Variants in TBC1D25 observed in about 807,000 individuals in gnomAD.
TBC1D25 encodes 5SN3 snoRNA.
A neutral mutation model predicts 38.8 loss-of-function variants in TBC1D25; 13 were observed. The observed-to-expected ratio is 0.34, with a 90% CI of 0.22 to 0.53. TBC1D25 has a LOEUF of 0.53. Ranked by LOEUF, TBC1D25 falls within the 20% of genes least tolerant of loss-of-function variation. TBC1D25 has a pLI of 0.94. For synonymous variants in TBC1D25, 225 were observed against 255.6 expected, an observed-to-expected ratio of 0.88 and a Z score of 1.14; for missense variants, 372 against 600.0, an observed-to-expected ratio of 0.62 and a Z score of 3.97.
At chrX:48,540,148 T>A (rs1483767663) in intron 1 of TBC1D25, among the ~76,000 whole-genome samples, 2 of 109,610 alleles carry the variant, frequency 1.8e-5, no homozygotes, top group African/African-American at 3.3e-5. Context: ...GGCGGGGGTC[T>A]ATGGGATGAA....
At chrX:48,552,610 C>G (rs1432748956) in intron 3 of TBC1D25, among the ~76,000 whole-genome samples, 1 of 110,286 alleles carries the variant, frequency 9.1e-6, no homozygotes, top group African/African-American at 3.3e-5. Context: ...CTCGGCCTCC[C>G]AAAGTGCTGG....
chrX:48,542,386 T>TC (rs1357501098), intron 2 of TBC1D25, among the ~76,000 whole-genome samples: 3 of 109,425 alleles, frequency 2.7e-5, no homozygotes, highest in African/African-American at 1.0e-4. Context: ...CAGGCTAGTC[T>TC]CGAACACCTG....
At chrX:48,541,526 T>A in intron 2 of TBC1D25, 84 bp downstream of exon 2, 1 of 888,613 alleles carries the variant, frequency 1.1e-6, no homozygotes, top group Non-Finnish European at 1.6e-6. Context: ...AGGGTTTTTG[T>A]TTATTTTACT....
chrX:48,541,433 A>G lies in TBC1D25; in HGVS notation c.224A>G (p.Asp75Gly). ...VLQHILIRAF[D>G]LSGKKNFGIS... ...CAGCACATCCTCATCCGAGCCTTTGATTTGAGTGGGTGAGTGGGAAGATGC... is the reference window on the plus strand; with the variant it reads ...CAGCACATCCTCATCCGAGCCTTTGGTTTGAGTGGGTGAGTGGGAAGATGC... The change falls in exon 2 of 6, where the codon GAT (aspartate) becomes GGT (glycine). Residue 75 changes from aspartate to glycine, a missense_variant. Transcript: ENST00000376771. 8.3e-7 allele frequency: 1 copy of G among 1,210,946 alleles called. No individual in the cohort carries two copies. The highest frequency in any genetic ancestry group is 3.0e-5 in the East Asian group (1 of 33,844).
At chrX:48,552,355 T>A (rs1052366715) in intron 3 of TBC1D25, among the ~76,000 whole-genome samples, 1 of 65,725 alleles carries the variant, frequency 1.5e-5, no homozygotes, top group African/African-American at 1.5e-4. Context: ...CCCGGCTAAT[T>A]TTTTTTTTTT....
At position 48,544,990 on chromosome X, in the gene TBC1D25, C is replaced by A; in HGVS notation, c.355C>A (p.Gln119Lys). The A allele has an allele frequency of 8.3e-7, 1 of 1,211,922 alleles. No homozygotes were observed. ...TGCCACTGCCTCCAAACCTTACCTG[C>A]AATTGCGTGTAGATATTCGGCCCTC... The part of the protein sequence containing the change: ...AFATASKPYL[Q>K]LRVDIRPSED... The change falls in exon 3 of 6, where the codon CAA becomes AAA. Residue 119 changes from glutamine (Q) to lysine (K), a missense_variant. Physicochemically the swap from Gln to Lys is moderately conservative, Grantham distance 53. Around this residue, in one of 2 missense-constraint regions of TBC1D25, gnomAD observed 312 missense variants for 549.3 expected, o/e 0.57. Transcript: ENST00000376771.
Position 48,561,338 on chromosome X carries a change from C to G in TBC1D25, c.*363C>G, listed in dbSNP as rs1388149540. 3 of 175,266 alleles carry G rather than the reference C, an allele frequency of 1.7e-5. No homozygotes were observed. The highest frequency in any genetic ancestry group is 9.1e-5 in the African/African-American group (3 of 33,096). The allele number at this position is 175,266 out of a possible 1,213,427, so 14.4% of individuals were successfully genotyped here. A position where few individuals can be genotyped will look rare whatever the true frequency, so the allele number is the denominator to read the frequency against. ...TTGGTGGAGAGAGGCTCCAGCTTCC[C>G]CCTTGTGATGGGGAGAGTGGATGCT... is the stretch of plus-strand genomic sequence containing the variant. On this transcript the variant is annotated 3_prime_UTR_variant, in exon 6 of 6. Coordinates refer to ENST00000376771, the MANE Select transcript of TBC1D25 (RefSeq NM_002536.4).
chrX:48,550,951 G>A (rs1218732515), intron 3 of TBC1D25, among the ~76,000 whole-genome samples: 5 of 111,503 alleles, frequency 4.5e-5, no homozygotes, highest in Non-Finnish European at 7.5e-5. Context: ...GAGCCACCGC[G>A]CCCAGCCTGT....
intron 2 of TBC1D25, among the ~76,000 whole-genome samples, chrX:48,541,680 TGAGA>T (rs782374730): frequency 2.2e-4 from 25 of 111,117 alleles, no homozygotes; most frequent in South Asian, 1.5e-3. Flanking sequence ...TAAGATATTT[TGAGA>T]GAGAGAGAGA....
rs782030775 is a variant in TBC1D25 at position 48,557,595 on chromosome X, A to G, written c.389-1302A>G. 2.8e-5 allele frequency among the ~76,000 whole-genome samples: 3 copies of G among 107,411 alleles called. No homozygotes were observed. In the East Asian group the frequency reaches 9.0e-4, roughly 32 times the overall value. The allele number at this position is 107,411 out of a possible 115,157, so 93.3% of individuals were successfully genotyped here. ...GAGGTGGATGTTGCAGTGAGCCGAG[A>G]TCCCGTCATTGTACTCCAGCCTGGG... On this transcript the variant is annotated intron_variant, in intron 3 of 5. Transcript: ENST00000376771.
Position 48,560,798 on chromosome X carries a change from C to G in TBC1D25, c.1890C>G (p.Arg630=). 1 of 1,212,092 alleles carries G rather than the reference C, an allele frequency of 8.3e-7. No homozygotes were observed. The highest frequency in any genetic ancestry group is 1.8e-5 in the South Asian group (1 of 57,027). ...FLCLAILLEH[R]DHIMRNGLDY... ...GCCTGGCCATCCTGCTGGAGCACCG[C>G]GACCACATCATGCGCAATGGGCTGG... The change falls in exon 6 of 6, where the codon CGC becomes CGG. Residue 630 remains arginine (R), a synonymous_variant. Coordinates refer to ENST00000376771, the MANE Select transcript of TBC1D25 (RefSeq NM_002536.4).
At chrX:48,552,229 C>T (rs781804162) in intron 3 of TBC1D25, among the ~76,000 whole-genome samples, 1 of 110,518 alleles carries the variant, frequency 9.0e-6, no homozygotes, top group Admixed American at 9.6e-5. Context: ...CTCTGTCGCC[C>T]AGACTGGAGT....
At chrX:48,559,588 GC>G (rs782131821) in intron 5 of TBC1D25, 25 bp from the exon 6 acceptor site, 112 of 1,195,416 alleles carry the variant, frequency 9.4e-5, no homozygotes, top group Non-Finnish European at 1.2e-4. Context: ...GAGAACTCCA[GC>G]CTCATCCCTT....
In TBC1D25 at chrX:48,557,636, TC is replaced by T. The variant is rs1330780866; in HGVS notation, c.389-1259del. Among the ~76,000 whole-genome samples the T allele has an allele frequency of 7.6e-5, 7 of 91,907 alleles. No individual in the cohort carries two copies. The Admixed American group carries it at 8.5e-4, about 11-fold the overall frequency. The allele number at this position is 91,907 out of a possible 115,157, so 79.8% of individuals were successfully genotyped here. ...CCAGCCTGGGCAACAAGAGTGAAAC[TC>T]CGCCTCAAAAAAAAAAAAAAAATTA... On this transcript the variant is annotated intron_variant, in intron 3 of 5. Coordinates refer to ENST00000376771, the MANE Select transcript of TBC1D25 (RefSeq NM_002536.4).
intron 1 of TBC1D25, among the ~76,000 whole-genome samples, chrX:48,541,053 G>A (rs1432176173): frequency 1.8e-5 from 2 of 112,260 alleles, no homozygotes; most frequent in African/African-American, 3.2e-5. Context: ...AGTGTTGTAG[G>A]TAGATGTGTT....
chrX:48,560,088 T>A lies in TBC1D25; in HGVS notation c.1180T>A (p.Tyr394Asn). The A allele has an allele frequency of 8.3e-7, 1 of 1,209,584 alleles. No individual in the cohort carries two copies. The highest frequency in any genetic ancestry group is 1.1e-6 in the Non-Finnish European group (1 of 894,366). The change falls in exon 6 of 6, where the codon TAC (tyrosine) becomes AAC (asparagine). Residue 394 changes from tyrosine to asparagine, a missense_variant. Coordinates refer to ENST00000376771, the MANE Select transcript of TBC1D25 (RefSeq NM_002536.4). ...LRHADPDFYQYLQEAGADDLF... is the reference protein window; with the variant it reads ...LRHADPDFYQNLQEAGADDLF... The stretch of plus-strand genomic sequence containing the variant: ...ACACGCTGACCCTGACTTTTATCAA[T>A]ACCTGCAAGAGGCAGGCGCTGATGA...
Position 48,547,332 on chromosome X carries a change from G to T in TBC1D25, c.388+2309G>T, listed in dbSNP as rs1405655775. Among the ~76,000 whole-genome samples, 4 of 111,848 alleles carry T rather than the reference G, an allele frequency of 3.6e-5. No individual in the cohort carries two copies. In the Admixed American group the frequency reaches 3.8e-4, roughly 11 times the overall value. The stretch of plus-strand genomic sequence containing the variant: ...AGAGACAGAGGAGAGAGAGAAACAA[G>T]AGTCAGAGGGAAAGATAGTGACAGA... On this transcript the variant is annotated intron_variant, in intron 3 of 5. Transcript: ENST00000376771.
intron 1 of TBC1D25, 164 bp from the exon 2 acceptor site, chrX:48,541,169 G>C (rs1293130586): frequency 4.1e-6 from 2 of 485,294 alleles, no homozygotes; most frequent in Middle Eastern, 5.8e-4. Flanking sequence ...TTGGGGGCCT[G>C]AACTCTTGCA....
At chrX:48,557,506 G>A (rs146393286) in intron 3 of TBC1D25, among the ~76,000 whole-genome samples, 2 of 110,426 alleles carry the variant, frequency 1.8e-5, no homozygotes, top group South Asian at 3.8e-4. Flanking sequence ...CACCAGGCAT[G>A]GTGGTACATG....
Sources: gnomAD v4.1 joint callset for allele counts (sites outside exome capture counted in the v4.1 genomes callset) on GRCh38, gnomAD v4.1.1 for gene constraint, gnomAD v4.1.1 regional missense constraint, MANE v1.5 for transcripts, NCBI Gene and HGNC (gene_info 2026-07-23, HGNC 2026-07-21) for gene names.